Variants in DNAH9 observed in about 807,000 individuals in gnomAD.
DNAH9 encodes the protein dynein axonemal heavy chain 9.
DNAH9 carries 345 observed loss-of-function variants against 471.6 expected under a neutral mutation model. That is an observed-to-expected ratio of 0.73 (90% CI 0.67 to 0.80). The LOEUF (loss-of-function observed/expected upper bound fraction) is 0.80, where lower values mean the gene tolerates loss of function less well. Among genes scored for constraint, DNAH9 ranks in the 30% least tolerant of loss-of-function variants. DNAH9 has a pLI of 0.00. For synonymous variants in DNAH9, 2,093 were observed against 2,123.6 expected, an observed-to-expected ratio of 0.99 and a Z score of 0.40; for missense variants, 5,407 against 5,609.2, an observed-to-expected ratio of 0.96 and a Z score of 1.15.
rs181774520 is a variant in DNAH9, at chr17:11,887,394, A to G, written c.11112+429A>G. Among the ~76,000 whole-genome samples the G allele has an allele frequency of 1.4e-3, 218 of 152,340 alleles. 3 individuals are homozygous for G. Among genetic ancestry groups the G allele is most frequent in the African/African-American group, 5.0e-3 (207 of 41,582 alleles). On this transcript the variant is annotated intron_variant, in intron 57 of 68. Coordinates refer to ENST00000262442, the MANE Select transcript of DNAH9 (RefSeq NM_001372.4). The stretch of plus-strand genomic sequence containing the variant: ...AATAATAATACACCAACTTTAAATT[A>G]GTTTTCTTATGACCCTAATATCCCC...
At chr17:11,756,713 C>A in intron 34 of DNAH9, 37 bp downstream of exon 34, 1 of 1,323,090 alleles carries the variant, frequency 7.6e-7, no homozygotes, top group Non-Finnish European at 1.1e-6. Flanking sequence ...AAAGCTACTC[C>A]ACTTAGGGAG....
chr17:11,858,251 T>A (rs7207336), intron 50 of DNAH9, among the ~76,000 whole-genome samples: 64,404 of 152,086 alleles, frequency 0.42, 14,486 homozygotes, highest in Admixed American at 0.57. Flanking sequence ...AGAGAAAGGC[T>A]TCTGATGAGA....
rs778383224 is a variant in DNAH9 at position 11,929,877 on chromosome 17, G to C, written c.11889G>C (p.Leu3963=). 35 of 1,613,280 alleles carry C rather than the reference G, an allele frequency of 2.2e-5. No individual in the cohort carries two copies. The highest frequency in any genetic ancestry group is 2.0e-5 in the Non-Finnish European group (24 of 1,179,768). The stretch of plus-strand genomic sequence containing the variant: ...TTCCTTCCCACTAGAACATTCACCT[G>C]GTGGCCAAGTGGCTCAGCACCCTGG... ...GHWVILQNIH[L]VAKWLSTLEK... Residue 3963 remains leucine (L), a synonymous_variant, in exon 63 of 69, where the codon CTG becomes CTC. Transcript: ENST00000262442.
intron 19 of DNAH9, among the ~76,000 whole-genome samples, chr17:11,681,233 T>C (rs1263654737): frequency 6.6e-6 from 1 of 152,218 alleles, no homozygotes; most frequent in Non-Finnish European, 1.5e-5. Context: ...ACTGTTCTTT[T>C]GGTTTTAAAA....
chr17:11,967,794 G>C (rs1249017037), intron 68 of DNAH9, among the ~76,000 whole-genome samples: 2 of 152,164 alleles, frequency 1.3e-5, no homozygotes, highest in Non-Finnish European at 1.5e-5. Flanking sequence ...AGGCAGCTGA[G>C]AGGCTATACT....
At chr17:11,781,626 G>C (rs778210223) in intron 39 of DNAH9, among the ~76,000 whole-genome samples, 6 of 152,052 alleles carry the variant, frequency 3.9e-5, no homozygotes, top group Non-Finnish European at 7.4e-5. Context: ...AAGGTCAGGA[G>C]TTCGAGACCA....
At chr17:11,753,650 G>A (rs1567775950) in intron 33 of DNAH9, among the ~76,000 whole-genome samples, 2 of 152,218 alleles carry the variant, frequency 1.3e-5, no homozygotes, top group South Asian at 4.1e-4. Flanking sequence ...TGGGCAACAA[G>A]AGCGAAACTC....
In DNAH9 at chr17:11,680,703, C is replaced by T. The variant is rs778333355; in HGVS notation, c.3577-20C>T. On this transcript the variant is annotated intron_variant, in intron 18 of 68. Transcript: ENST00000262442. The stretch of plus-strand genomic sequence containing the variant: ...AAAGAGCACCTTGGGAATCTGACCA[C>T]ACTGAGGTTTCCTTTGCAGGAGCTG... The T allele has an allele frequency of 1.9e-6, 3 of 1,612,652 alleles. No homozygotes were observed. In the South Asian group the frequency reaches 3.3e-5, roughly 18 times the overall value.
At chr17:11,717,021 A>T (rs367975915) in intron 26 of DNAH9, among the ~76,000 whole-genome samples, 2 of 152,232 alleles carry the variant, frequency 1.3e-5, no homozygotes, top group East Asian at 3.9e-4. Flanking sequence ...CTCCATGAAT[A>T]TCTAGCTGGA....
intron 10 of DNAH9, among the ~76,000 whole-genome samples, chr17:11,644,006 G>A (rs996474380): frequency 6.6e-6 from 1 of 152,222 alleles, no homozygotes; most frequent in African/African-American, 2.4e-5. Context: ...GGAAGTTGCT[G>A]TAGGTGAGTC....
chr17:11,937,200 T>A lies in DNAH9; in HGVS notation c.12490-152T>A. 1.1e-6 allele frequency: 1 copy of A among 876,126 alleles called. No homozygotes were observed. Among genetic ancestry groups the A allele is most frequent in the South Asian group, 2.5e-5 (1 of 39,372 alleles). The allele number at this position is 876,126 out of a possible 1,614,324, so 54.3% of individuals were successfully genotyped here. On this transcript the variant is annotated intron_variant, in intron 65 of 68. Coordinates refer to ENST00000262442, the MANE Select transcript of DNAH9 (RefSeq NM_001372.4). This position sits in a 1 kb window ranked among gnomAD's most constrained non-coding sequence, Gnocchi z 4.1. ...GATGATGTCAAGGTGCACTAATAGG[T>A]GGAGAGGGTGATGAAGTCAACCAGG... is the stretch of plus-strand genomic sequence containing the variant.
chr17:11,649,317 CTA>C (rs1419035870), intron 12 of DNAH9, among the ~76,000 whole-genome samples: 3 of 152,056 alleles, frequency 2.0e-5, no homozygotes, highest in Non-Finnish European at 4.4e-5. Context: ...TTTCATCAGT[CTA>C]TATTTCATTG....
At chr17:11,902,956 A>G in intron 60 of DNAH9, 44 bp downstream of exon 60, 1 of 1,582,318 alleles carries the variant, frequency 6.3e-7, no homozygotes, top group Non-Finnish European at 8.6e-7. Context: ...GCATGGGGCA[A>G]GGGCAACCTC....
At chr17:11,834,127 A>G (rs1970759414) in intron 48 of DNAH9, among the ~76,000 whole-genome samples, 1 of 151,978 alleles carries the variant, frequency 6.6e-6, no homozygotes, top group African/African-American at 2.4e-5. Flanking sequence ...TCAGGAGTTC[A>G]AGACCAGCCT....
rs772342168 is a variant in DNAH9, at chr17:11,690,384, A to C, written c.4562A>C (p.His1521Pro). ...TTTGAAGTGCAGCGAACATGGACTC[A>C]CCTGGAAAGCATATTCACTGGATCT... ...IWFEVQRTWT[H>P]LESIFTGSED... The change falls in exon 20 of 69, where the codon CAC (histidine) becomes CCC (proline). Residue 1521 changes from histidine (H) to proline (P), a missense_variant. By Grantham distance (77) the His-to-Pro change is moderately conservative. Coordinates refer to ENST00000262442, the MANE Select transcript of DNAH9 (RefSeq NM_001372.4). 12 of 1,614,154 alleles carry C rather than the reference A, an allele frequency of 7.4e-6. No individual in the cohort carries two copies. The highest frequency in any genetic ancestry group is 9.3e-6 in the Non-Finnish European group (11 of 1,180,028).
chr17:11,863,004 C>G (rs1482913841), intron 50 of DNAH9, among the ~76,000 whole-genome samples: 1 of 152,048 alleles, frequency 6.6e-6, no homozygotes, highest in Non-Finnish European at 1.5e-5. Flanking sequence ...TAATTGAATA[C>G]CCTTTATTTC....
At chr17:11,599,419 C>A (rs2072337211) in intron 1 of DNAH9, among the ~76,000 whole-genome samples, 1 of 152,044 alleles carries the variant, frequency 6.6e-6, no homozygotes, top group Non-Finnish European at 1.5e-5. Context: ...TTCTGGAGAG[C>A]AGTTAAATGG....
intron 1 of DNAH9, 66 bp downstream of exon 1, chr17:11,598,981 G>T (rs1285394774): frequency 3.2e-5 from 41 of 1,283,304 alleles, no homozygotes; most frequent in Non-Finnish European, 3.7e-5. Context: ...GAGCCTTAAG[G>T]GACGGAGGCG....
intron 67 of DNAH9, among the ~76,000 whole-genome samples, chr17:11,950,108 A>AT (rs1180600231): frequency 6.6e-6 from 1 of 152,194 alleles, no homozygotes; most frequent in Non-Finnish European, 1.5e-5. Context: ...TCACAGCAAA[A>AT]TTGCACAGAA....
Sources: gnomAD v4.1 joint callset for allele counts (sites outside exome capture counted in the v4.1 genomes callset) on GRCh38, gnomAD v4.1.1 for gene constraint, Gnocchi (gnomAD v3.1) non-coding constraint, MANE v1.5 for transcripts, NCBI Gene and HGNC (gene_info 2026-07-23, HGNC 2026-07-21) for gene names.